Variants in DSE observed in about 807,000 individuals in gnomAD.
DSE encodes the protein dermatan-sulfate epimerase.
DSE carries 36 observed loss-of-function variants against 84.4 expected under a neutral mutation model. The ratio of observed to expected loss-of-function variants is 0.43; its 90% CI spans 0.33 to 0.56. The LOEUF (loss-of-function observed/expected upper bound fraction) is 0.56. Among genes scored for constraint, DSE ranks in the 20% least tolerant of loss-of-function variants. DSE has a pLI of 0.06. For synonymous variants in DSE, 410 were observed against 430.1 expected (o/e 0.95, Z 0.58); for missense variants, 862 against 1,169.6 (o/e 0.74, Z 3.84).
chr6:116,371,175 C>A (rs572764530), intron 1 of DSE, 54 bp downstream of exon 1: 4 of 985,582 alleles, frequency 4.1e-6, no homozygotes, highest in African/African-American at 1.7e-5. Flanking sequence ...CAACTTTCTT[C>A]GGGAGTTTCG....
At chr6:116,401,894 A>G (rs115378636) in intron 2 of DSE, among the ~76,000 whole-genome samples, 1,719 of 149,848 alleles carry the variant, frequency 0.011, 35 homozygotes, top group African/African-American at 0.041. Context: ...GTTACTTACA[A>G]AAGAGATCAA....
At chr6:116,358,617 AT>A (rs1443472922) in intron 2 of DSE, among the ~76,000 whole-genome samples, 7 of 152,202 alleles carry the variant, frequency 4.6e-5, no homozygotes, top group African/African-American at 1.4e-4. Flanking sequence ...CTACTGCAGA[AT>A]TTCTTGTTGT....
intron 1 of DSE, among the ~76,000 whole-genome samples, chr6:116,380,300 TATAAC>T (rs1463593373): frequency 2.6e-5 from 4 of 151,974 alleles, no homozygotes; most frequent in African/African-American, 7.2e-5. Context: ...GCAAAATAAA[TATAAC>T]ATAGTTTCCA....
chr6:116,356,310 G>T (rs916119366), intron 2 of DSE, among the ~76,000 whole-genome samples: 10 of 152,162 alleles, frequency 6.6e-5, no homozygotes, highest in African/African-American at 2.4e-4. Context: ...ACTGCCTAAA[G>T]CTATGATATC....
intron 2 of DSE, among the ~76,000 whole-genome samples, chr6:116,264,189 C>T (rs1186311967): frequency 6.6e-6 from 1 of 152,114 alleles, no homozygotes; most frequent in Non-Finnish European, 1.5e-5. Context: ...AATATGTTTT[C>T]CCAGTTGGTT....
At chr6:116,328,412 G>T (rs991491603) in intron 2 of DSE, among the ~76,000 whole-genome samples, 3 of 152,184 alleles carry the variant, frequency 2.0e-5, no homozygotes, top group African/African-American at 7.2e-5. Flanking sequence ...GGACCGAGGA[G>T]ACTGTGCACA....
intron 2 of DSE, among the ~76,000 whole-genome samples, chr6:116,412,159 G>A (rs1055143033): frequency 6.6e-6 from 1 of 152,048 alleles, no homozygotes; most frequent in African/African-American, 2.4e-5. Flanking sequence ...AATATTATGG[G>A]TTCAGGGTGT....
intron 2 of DSE, among the ~76,000 whole-genome samples, chr6:116,340,334 G>A (rs1777512910): frequency 6.6e-6 from 1 of 152,046 alleles, no homozygotes; most frequent in Non-Finnish European, 1.5e-5. Context: ...CATCTGTCAA[G>A]TTCATTGATT....
intron 1 of DSE, among the ~76,000 whole-genome samples, chr6:116,389,077 G>T (rs1232232354): frequency 2.0e-5 from 3 of 152,122 alleles, no homozygotes; most frequent in Non-Finnish European, 4.4e-5. Context: ...TGGGGTCATG[G>T]TGCACTTCCC....
intron 2 of DSE, among the ~76,000 whole-genome samples, chr6:116,300,341 T>A (rs1202212766): frequency 6.6e-6 from 1 of 152,184 alleles, no homozygotes; most frequent in Non-Finnish European, 1.5e-5. Flanking sequence ...CTCATTTCCT[T>A]CCATATTTGA....
chr6:116,382,110 T>C (rs898846411), intron 1 of DSE, among the ~76,000 whole-genome samples: 3 of 151,456 alleles, frequency 2.0e-5, no homozygotes, highest in Non-Finnish European at 2.9e-5. Context: ...ACTGGTCATA[T>C]TGGAGTAGGG....
At chr6:116,349,040 C>T (rs2114845579) in intron 2 of DSE, among the ~76,000 whole-genome samples, 1 of 152,172 alleles carries the variant, frequency 6.6e-6, no homozygotes, top group East Asian at 1.9e-4. Flanking sequence ...ACAGGTGCAG[C>T]AAACCAACAT....
At chr6:116,333,535 A>T (rs1777074989) in intron 2 of DSE, among the ~76,000 whole-genome samples, 1 of 152,218 alleles carries the variant, frequency 6.6e-6, no homozygotes, top group South Asian at 2.1e-4. Context: ...TTAATTTTCA[A>T]CATGAGTTTT....
intron 2 of DSE, among the ~76,000 whole-genome samples, chr6:116,426,072 T>A (rs1251052976): frequency 1.3e-5 from 2 of 152,152 alleles, no homozygotes; most frequent in Admixed American, 1.3e-4. Context: ...CTGTGCAGAT[T>A]GAGAGATCAT....
At chr6:116,345,000 C>T (rs546781901) in intron 2 of DSE, among the ~76,000 whole-genome samples, 110 of 152,202 alleles carry the variant, frequency 7.2e-4, no homozygotes, top group Non-Finnish European at 1.2e-3. Context: ...AGACTTTAAA[C>T]CAACAAAATC....
intron 2 of DSE, among the ~76,000 whole-genome samples, chr6:116,311,920 CT>C (rs1775716116): frequency 6.6e-6 from 1 of 152,108 alleles, no homozygotes; most frequent in African/African-American, 2.4e-5. Flanking sequence ...TTATTTGCCG[CT>C]GCATTCCCAG....
chr6:116,302,332 CTGG>C, intron 2 of DSE, among the ~76,000 whole-genome samples: 1 of 152,354 alleles, frequency 6.6e-6, no homozygotes, highest in Non-Finnish European at 1.5e-5. Flanking sequence ...GCCATTCTAG[CTGG>C]CGTGAGGTGG....
At chr6:116,301,847 C>A (rs1775060963) in intron 2 of DSE, among the ~76,000 whole-genome samples, 1 of 152,160 alleles carries the variant, frequency 6.6e-6, no homozygotes, top group Admixed American at 6.5e-5. Flanking sequence ...CATGTGTTAT[C>A]ACTGTTCAAC....
chr6:116,439,343 A>C lies in DSE; in HGVS notation c.*1998A>C, dbSNP rs1583242792. The C allele has an allele frequency of 6.6e-6, 1 of 152,330 alleles. No individual in the cohort carries two copies. The highest frequency in any genetic ancestry group is 2.1e-4 in the South Asian group (1 of 4,834). The allele number at this position is 152,330 out of a possible 1,614,324, so 9.4% of individuals were successfully genotyped here. ...GGCTTGACAATACGTTAGTCGCCAC[A>C]GCATGATCCAGTGTAACATATTAGT... On this transcript the variant is annotated 3_prime_UTR_variant, in exon 6 of 6. Coordinates refer to ENST00000644252, the MANE Select transcript of DSE (RefSeq NM_013352.4).
Sources: gnomAD v4.1 joint callset for allele counts (sites outside exome capture counted in the v4.1 genomes callset) on GRCh38, gnomAD v4.1.1 for gene constraint, MANE v1.5 for transcripts, NCBI Gene and HGNC (gene_info 2026-07-23, HGNC 2026-07-21) for gene names.